Variants in TENM1 observed in about 807,000 individuals in gnomAD.
TENM1 encodes the protein teneurin transmembrane protein 1.
In TENM1, 35 loss-of-function variants were observed where a neutral mutation model predicts 174.8. The ratio of observed to expected loss-of-function variants is 0.20; its 90% CI spans 0.15 to 0.27. TENM1 has a LOEUF of 0.27. Ranked by LOEUF, TENM1 falls within the 10% of genes least tolerant of loss-of-function variation. The pLI is 1.00. For missense variants in TENM1, 1,633 were observed against 2,130.1 expected (o/e 0.77, Z 4.59); for synonymous variants, 781 against 798.7 (o/e 0.98, Z 0.37).
At chrX:124,829,235 T>C (rs2056236393) in intron 3 of TENM1, among the ~76,000 whole-genome samples, 1 of 112,334 alleles carries the variant, frequency 8.9e-6, no homozygotes, top group Admixed American at 9.4e-5. Flanking sequence ...TTTCTTTCCC[T>C]CTAAATATGA....
the TENM1 span, among the ~76,000 whole-genome samples, chrX:125,100,571 T>C: frequency 8.9e-6 from 1 of 112,260 alleles, no homozygotes; most frequent in East Asian, 2.8e-4. Context: ...GTACATGAGA[T>C]GCAGAGTCTG....
At chrX:124,965,137 GTGCGATCTCGGCTCAC>G (rs1312953875), upstream of TENM1, among the ~76,000 whole-genome samples, 1 of 111,857 alleles carries the variant, frequency 8.9e-6, no homozygotes. Flanking sequence ...GAGTTCAGTG[GTGCGATCTCGGCTCAC>G]TGCAAGCTCC....
At chrX:124,915,252 T>C (rs1286725191) in intron 1 of TENM1, among the ~76,000 whole-genome samples, 1 of 112,470 alleles carries the variant, frequency 8.9e-6, no homozygotes, top group Non-Finnish European at 1.9e-5. Flanking sequence ...CGGCTGGATG[T>C]GGTGGCTCAC....
the TENM1 span, among the ~76,000 whole-genome samples, chrX:125,157,883 A>G: frequency 1.8e-5 from 2 of 111,521 alleles, no homozygotes; most frequent in Admixed American, 1.9e-4. Context: ...GAACAAACTC[A>G]CTAGCTGTTA....
intron 23 of TENM1, among the ~76,000 whole-genome samples, chrX:124,448,850 A>G (rs1184358688): frequency 1.8e-5 from 2 of 112,019 alleles, no homozygotes; most frequent in Non-Finnish European, 3.8e-5. Flanking sequence ...CCATCAAGGA[A>G]GGTTCCCATG....
Position 124,453,318 on chromosome X carries a change from G to A in TENM1, c.4104+19C>T, listed in dbSNP as rs761740388. The stretch of plus-strand genomic sequence containing the variant: ...ATGATGCCAAATGACAATAATACTT[G>A]AAAACCAGTGATGCCTACCTGAGTG... On this transcript the variant is annotated intron_variant, in intron 23 of 31. Transcript: ENST00000422452. 1 of 1,184,734 alleles carries A rather than the reference G, an allele frequency of 8.4e-7. No individual in the cohort carries two copies. The highest frequency in any genetic ancestry group is 2.4e-5 in the Admixed American group (1 of 41,777).
chrX:124,443,063 T>C (rs1391502603), intron 23 of TENM1, among the ~76,000 whole-genome samples: 6 of 68,896 alleles, frequency 8.7e-5, no homozygotes, highest in Non-Finnish European at 1.9e-4. Context: ...TGTGTGTGTG[T>C]GTGTGTGTGT....
At chrX:124,450,359 C>CA (rs34309778) in intron 23 of TENM1, among the ~76,000 whole-genome samples, 21,837 of 77,143 alleles carry the variant, frequency 0.28, 2,880 homozygotes, top group East Asian at 0.78. Flanking sequence ...GACTCCGTCT[C>CA]AAAAAAAAAA....
the TENM1 span, among the ~76,000 whole-genome samples, chrX:125,182,152 G>A: frequency 9.1e-6 from 1 of 109,931 alleles, no homozygotes; most frequent in Non-Finnish European, 1.9e-5. Flanking sequence ...CTTTCTAGAG[G>A]CCATCCACCT....
intron 23 of TENM1, 98 bp from the exon 27 acceptor site, chrX:124,422,736 C>T (rs749244763): frequency 5.6e-6 from 5 of 892,966 alleles, no homozygotes; most frequent in Non-Finnish European, 7.7e-6. Context: ...TATTGTTTCC[C>T]CCGTCTTATG....
At chrX:124,951,443 A>C (rs1163211810) in intron 1 of TENM1, among the ~76,000 whole-genome samples, 2 of 109,849 alleles carry the variant, frequency 1.8e-5, no homozygotes, top group African/African-American at 6.6e-5. Flanking sequence ...AATTCTACAA[A>C]CCAAGGAGTG....
the TENM1 span, among the ~76,000 whole-genome samples, chrX:125,088,585 AT>A: frequency 2.7e-5 from 3 of 110,947 alleles, no homozygotes; most frequent in East Asian, 2.8e-4. Flanking sequence ...TTTTTTTAAA[AT>A]TTTTTTTAAA....
the TENM1 span, among the ~76,000 whole-genome samples, chrX:125,148,272 C>G: frequency 2.7e-5 from 3 of 110,402 alleles, no homozygotes; most frequent in Non-Finnish European, 5.7e-5. Flanking sequence ...TAAGTCTATT[C>G]TCTCTCAATT....
At chrX:124,409,752 G>T (rs1462523698) in intron 25 of TENM1, among the ~76,000 whole-genome samples, 10 of 106,563 alleles carry the variant, frequency 9.4e-5, no homozygotes, top group African/African-American at 3.1e-4. Flanking sequence ...CAAATCATGA[G>T]TGAACTCCCA....
Position 124,798,266 on chromosome X carries a change from C to G in TENM1, c.536-61069G>C, listed in dbSNP as rs150706197. ...GTACTAGATCCTTGAGGAATTGCCACCCTGTATTCCACAATGGTTGAACTA... is the reference window on the plus strand; with the variant it reads ...GTACTAGATCCTTGAGGAATTGCCAGCCTGTATTCCACAATGGTTGAACTA... On this transcript the variant is annotated intron_variant, in intron 3 of 31. Transcript: ENST00000422452. Among the ~76,000 whole-genome samples, 432 of 111,395 alleles carry G rather than the reference C, an allele frequency of 3.9e-3. 1 individual carries two copies. Among genetic ancestry groups the G allele is most frequent in the Middle Eastern group, 0.028 (6 of 215 alleles).
At chrX:124,977,957 TG>T in the TENM1 span, among the ~76,000 whole-genome samples, 1 of 55,278 alleles carries the variant, frequency 1.8e-5, no homozygotes, top group Non-Finnish European at 3.3e-5. Flanking sequence ...TGTGTGTGTG[TG>T]TGTGTGTGTG....
chrX:124,642,563 T>C (rs1240116260), intron 10 of TENM1, among the ~76,000 whole-genome samples: 4 of 112,364 alleles, frequency 3.6e-5, no homozygotes, highest in Non-Finnish European at 7.5e-5. Context: ...TGTAATATTT[T>C]AAACTTAATT....
intron 23 of TENM1, among the ~76,000 whole-genome samples, chrX:124,437,211 C>T (rs1463332247): frequency 9.9e-6 from 1 of 101,171 alleles, no homozygotes; most frequent in African/African-American, 3.7e-5. Flanking sequence ...CTTGGCCTCC[C>T]AAAGTGCTGG....
chrX:125,166,571 T>C, the TENM1 span, among the ~76,000 whole-genome samples: 1 of 111,831 alleles, frequency 8.9e-6, no homozygotes, highest in East Asian at 2.8e-4. Flanking sequence ...TTAAATTTAA[T>C]CTTACAAGGA....
Sources: allele counts gnomAD v4.1 joint callset (sites outside exome capture counted in the v4.1 genomes callset), GRCh38; gene constraint gnomAD v4.1.1; transcripts MANE v1.5; gene names NCBI Gene and HGNC (gene_info 2026-07-23, HGNC 2026-07-21).